Variants in MYO1E observed in about 807,000 individuals in gnomAD.
MYO1E encodes the protein myosin IE.
A neutral mutation model predicts 151.1 loss-of-function variants in MYO1E; 68 were observed. The observed-to-expected ratio is 0.45, with a 90% CI of 0.37 to 0.55. The LOEUF (loss-of-function observed/expected upper bound fraction) is 0.55. Ranked by LOEUF, MYO1E falls within the 20% of genes least tolerant of loss-of-function variation. MYO1E has a pLI of 0.00. For missense variants in MYO1E, 1,363 were observed against 1,389.3 expected (o/e 0.98, Z 0.30); for synonymous variants, 601 against 501.7 (o/e 1.20, Z -2.64).
intron 1 of MYO1E, among the ~76,000 whole-genome samples, chr15:59,286,104 G>A (rs142385577): frequency 6.6e-6 from 1 of 152,300 alleles, no homozygotes; most frequent in African/African-American, 2.4e-5. Context: ...CTGTACCATG[G>A]AACAAAGAAA....
At chr15:59,202,255 G>C (rs2079806673) in intron 16 of MYO1E, 71 bp downstream of exon 16, 43 of 1,334,434 alleles carry the variant, frequency 3.2e-5, no homozygotes, top group Non-Finnish European at 4.6e-5. Context: ...CTGGCCCAGG[G>C]GTGCAGTTCC....
At chr15:59,206,711 A>C in intron 14 of MYO1E, 2 of 546,204 alleles carry the variant, frequency 3.7e-6, no homozygotes, top group Non-Finnish European at 6.4e-6. Flanking sequence ...CTAACTCCAG[A>C]AATCACTTGC....
chr15:59,215,268 T>C (rs1354486830), intron 10 of MYO1E, among the ~76,000 whole-genome samples: 1 of 152,216 alleles, frequency 6.6e-6, no homozygotes, highest in Admixed American at 6.5e-5. Context: ...CTTACGTCTA[T>C]TAAACATTCA....
chr15:59,149,572 G>A (rs1039557363), intron 26 of MYO1E, among the ~76,000 whole-genome samples: 4 of 152,142 alleles, frequency 2.6e-5, no homozygotes, highest in African/African-American at 4.8e-5. Flanking sequence ...CAGTTGGGAT[G>A]GTAATTAATT....
chr15:59,356,753 T>C (rs1439394967), intron 1 of MYO1E, among the ~76,000 whole-genome samples: 1 of 152,060 alleles, frequency 6.6e-6, no homozygotes, highest in African/African-American at 2.4e-5. Flanking sequence ...ATTTTCTGTA[T>C]TGGCAGGTCT....
chr15:59,234,246 G>GGATGGATGGA (rs1566987682), intron 5 of MYO1E, among the ~76,000 whole-genome samples: 1,818 of 141,820 alleles, frequency 0.013, 47 homozygotes, highest in African/African-American at 0.047. Flanking sequence ...GGATGGATGG[G>GGATGGATGGA]TGCATGGATG....
chr15:59,284,075 C>A (rs979916951), intron 1 of MYO1E, among the ~76,000 whole-genome samples: 5 of 152,258 alleles, frequency 3.3e-5, no homozygotes, highest in African/African-American at 1.2e-4. Flanking sequence ...GAGGAAGTTC[C>A]GTGCCCTGGA....
intron 1 of MYO1E, among the ~76,000 whole-genome samples, chr15:59,293,998 T>C (rs1212716013): frequency 6.6e-6 from 1 of 152,098 alleles, no homozygotes; most frequent in Non-Finnish European, 1.5e-5. Flanking sequence ...GCCATGATTG[T>C]ACCACTGCAT....
chr15:59,351,385 T>A (rs1431055119), intron 1 of MYO1E, among the ~76,000 whole-genome samples: 1 of 152,216 alleles, frequency 6.6e-6, no homozygotes, highest in Non-Finnish European at 1.5e-5. Context: ...TGCTAGGAGC[T>A]AATAGCAGGA....
intron 1 of MYO1E, among the ~76,000 whole-genome samples, chr15:59,328,444 G>A (rs535985626): frequency 4.1e-4 from 63 of 151,978 alleles, no homozygotes; most frequent in East Asian, 3.5e-3. Context: ...CCCAATACAC[G>A]CTTGGTACTG....
rs2080955191 is a variant in MYO1E, at chr15:59,372,661, C to G, written c.-161G>C. On this transcript the variant is annotated 5_prime_UTR_variant, in exon 1 of 28. Transcript: ENST00000288235. ...GGAGCCAATGGGAACCCAGAGGGGA[C>G]TCCATCCAGGCGGGATTGGCGGTGC... 1 of 883,814 alleles carries G rather than the reference C, an allele frequency of 1.1e-6. No homozygotes were observed. Among genetic ancestry groups the G allele is most frequent in the Admixed American group, 2.7e-5 (1 of 37,330 alleles). The allele number at this position is 883,814 out of a possible 1,614,324, so 54.7% of individuals were successfully genotyped here. A position where few individuals can be genotyped will look rare whatever the true frequency, so the allele number is the denominator to read the frequency against.
At position 59,161,134 on chromosome 15, in the gene MYO1E, G is replaced by C; in HGVS notation, c.2724C>G (p.Val908=). The C allele has an allele frequency of 6.2e-7, 1 of 1,614,092 alleles. No homozygotes were observed. The highest frequency in any genetic ancestry group is 8.5e-7 in the Non-Finnish European group (1 of 1,180,026). ...QFHQGFGDLA[V]LKPSNKVLQV... Reference sequence around the variant, plus strand: ...GCAGCACTTTGTTACTGGGCTTGAGGACAGCCAGGTCCCCAAACCCTTGGT... The same window carrying C: ...GCAGCACTTTGTTACTGGGCTTGAGCACAGCCAGGTCCCCAAACCCTTGGT... Residue 908 remains valine, a synonymous_variant, in exon 24 of 28, where the codon GTC becomes GTG. Transcript: ENST00000288235.
At position 59,134,467 on chromosome 15, in the gene MYO1E, A is replaced by T. The variant is rs1463425731; in HGVS notation, c.*2913T>A. 6.6e-6 allele frequency: 1 copy of T among 152,178 alleles called. No individual in the cohort carries two copies. The highest frequency in any genetic ancestry group is 1.5e-5 in the Non-Finnish European group (1 of 68,102). 9.4% of individuals were successfully genotyped at this position (152,178 alleles called of 1,614,324 possible). On this transcript the variant is annotated 3_prime_UTR_variant, in exon 28 of 28. Coordinates refer to ENST00000288235, the MANE Select transcript of MYO1E (RefSeq NM_004998.4). ...CACTTTGAGAGGCTGAGGCAGGAGG[A>T]TCGTTTGATCCCAGGAGTTTCAGAT... is the stretch of plus-strand genomic sequence containing the variant.
chr15:59,233,641 C>T (rs1425347242), intron 5 of MYO1E, among the ~76,000 whole-genome samples: 3 of 127,952 alleles, frequency 2.3e-5, no homozygotes, highest in Non-Finnish European at 3.1e-5. Flanking sequence ...TCCAGCCTGG[C>T]GACAGAGCGA....
intron 5 of MYO1E, among the ~76,000 whole-genome samples, chr15:59,233,661 T>TAAA (rs11285934): frequency 0.41 from 32,355 of 78,068 alleles, 8,268 homozygotes; most frequent in Non-Finnish European, 0.57. Flanking sequence ...AGACTCCGTC[T>TAAA]AAAAAAAAAA....
chr15:59,257,201 T>C (rs1207998277), intron 3 of MYO1E, among the ~76,000 whole-genome samples: 1 of 152,196 alleles, frequency 6.6e-6, no homozygotes, highest in Non-Finnish European at 1.5e-5. Context: ...GTTGAGTATA[T>C]ATGGAGAAAG....
intron 7 of MYO1E, 53 bp from the exon 8 acceptor site, chr15:59,224,876 AGTCAC>A: frequency 4.3e-6 from 7 of 1,613,050 alleles, no homozygotes; most frequent in Non-Finnish European, 5.9e-6. Flanking sequence ...AGGCACCCGA[AGTCAC>A]TCCTGCATCC....
At chr15:59,216,504 C>A (rs2079915162) in intron 10 of MYO1E, among the ~76,000 whole-genome samples, 1 of 151,072 alleles carries the variant, frequency 6.6e-6, no homozygotes, top group Non-Finnish European at 1.5e-5. Context: ...GGCAGCTCTA[C>A]ACTGCTGAAA....
chr15:59,207,352 T>C, intron 14 of MYO1E: 4 of 1,614,034 alleles, frequency 2.5e-6, no homozygotes, highest in Non-Finnish European at 3.4e-6. Flanking sequence ...CACAGCAAAC[T>C]CCAACCTAGT....
Sources: gnomAD v4.1 joint callset for allele counts (sites outside exome capture counted in the v4.1 genomes callset) on GRCh38, gnomAD v4.1.1 for gene constraint, MANE v1.5 for transcripts, NCBI Gene and HGNC (gene_info 2026-07-23, HGNC 2026-07-21) for gene names.